The following KDM4B variants were observed in gnomAD, a reference collection of about 807,000 sequenced individuals.
KDM4B encodes lysine-specific demethylase 4B.
Under a neutral mutation model 125.2 loss-of-function variants are expected in KDM4B, and 32 were observed. The ratio of observed to expected loss-of-function variants is 0.26; its 90% CI spans 0.19 to 0.34. The LOEUF (loss-of-function observed/expected upper bound fraction) is 0.34. Among genes scored for constraint, KDM4B ranks in the 10% least tolerant of loss-of-function variants. The pLI is 1.00. For missense variants in KDM4B, 1,190 were observed against 1,577.7 expected, an observed-to-expected ratio of 0.75 and a Z score of 4.16; for synonymous variants, 721 against 677.9, an observed-to-expected ratio of 1.06 and a Z score of -0.99.
chr19:5,013,864 G>A (rs926616442), intron 1 of KDM4B, among the ~76,000 whole-genome samples: 8 of 152,228 alleles, frequency 5.3e-5, no homozygotes, highest in Admixed American at 1.3e-4. Context: ...GAGGGATTCC[G>A]GTCCTCGGGT....
At chr19:4,977,731 G>C (rs1386045127) in intron 1 of KDM4B, among the ~76,000 whole-genome samples, 1 of 152,190 alleles carries the variant, frequency 6.6e-6, no homozygotes, top group Non-Finnish European at 1.5e-5. Flanking sequence ...CCTTGATCAT[G>C]GCGGGATGGA....
At chr19:5,075,861 A>T (rs114518502) in intron 7 of KDM4B, 2,049 of 152,544 alleles carry the variant, frequency 0.013, 44 homozygotes, top group African/African-American at 0.046. Context: ...CCGGGCCTCG[A>T]TTTCCTCACC....
intron 18 of KDM4B, chr19:5,138,315 C>T (rs993974333): frequency 3.0e-5 from 16 of 535,736 alleles, no homozygotes; most frequent in Admixed American, 2.0e-4. Context: ...AAGCAGGCCC[C>T]GTCAGGTGTG....
At chr19:4,977,817 C>A (rs138861297) in intron 1 of KDM4B, among the ~76,000 whole-genome samples, 1 of 152,274 alleles carries the variant, frequency 6.6e-6, no homozygotes, top group East Asian at 1.9e-4. Context: ...CCAGCCTCGG[C>A]GCCCTTGGGG....
chr19:4,975,157 T>G (rs1238640823), intron 1 of KDM4B, among the ~76,000 whole-genome samples: 1 of 152,168 alleles, frequency 6.6e-6, no homozygotes, highest in African/African-American at 2.4e-5. Context: ...GGCAGGGGCT[T>G]TTTCTGGAAG....
chr19:5,007,576 T>C (rs1394435392), intron 1 of KDM4B, among the ~76,000 whole-genome samples: 1 of 149,376 alleles, frequency 6.7e-6, no homozygotes, highest in Non-Finnish European at 1.5e-5. Flanking sequence ...GACAGAGTAT[T>C]GTTCCATCTC....
rs936552455 is a variant in KDM4B at position 5,144,690 on chromosome 19, C to T, written c.2902-93C>T. ...CAGCTTTGGGGCTTCAGGCAGAGAA[C>T]CTCACTTGCCAGCGCGGAGAGGGTC... is the stretch of plus-strand genomic sequence containing the variant. On this transcript the variant is annotated intron_variant, in intron 20 of 22. Transcript: ENST00000159111. The T allele has an allele frequency of 3.9e-6, 6 of 1,536,944 alleles. No individual in the cohort carries two copies. In the African/African-American group the frequency reaches 6.9e-5, roughly 18 times the overall value.
At chr19:5,057,065 T>TGTGTGTGTTTGTGC (rs55806859) in intron 6 of KDM4B, among the ~76,000 whole-genome samples, 1 of 128,322 alleles carries the variant, frequency 7.8e-6, no homozygotes, top group Non-Finnish European at 1.7e-5. Flanking sequence ...TGTGTGTGTG[T>TGTGTGTGTTTGTGC]GCGCGCGCGC....
chr19:5,060,087 G>A (rs187731224), intron 6 of KDM4B, among the ~76,000 whole-genome samples: 2 of 152,206 alleles, frequency 1.3e-5, no homozygotes, highest in Non-Finnish European at 2.9e-5. Context: ...GAGGCCCCAC[G>A]GGGCTGGGCT....
intron 9 of KDM4B, among the ~76,000 whole-genome samples, chr19:5,109,974 A>C (rs1388253839): frequency 6.6e-5 from 10 of 152,228 alleles, no homozygotes; most frequent in African/African-American, 2.4e-4. Context: ...TGCCTGGACC[A>C]ACAGGAGGCA....
intron 9 of KDM4B, among the ~76,000 whole-genome samples, chr19:5,104,626 C>T (rs111893974): frequency 7.9e-5 from 12 of 152,202 alleles, no homozygotes; most frequent in African/African-American, 1.4e-4. Flanking sequence ...TGTCTGGGAA[C>T]GCCACTTCCA....
At chr19:5,047,358 G>A (rs1599496352) in intron 5 of KDM4B, 118 bp from the exon 6 acceptor site, 3 of 883,344 alleles carry the variant, frequency 3.4e-6, no homozygotes, top group South Asian at 3.3e-5. Context: ...GCAGATACTG[G>A]GGTGGAGGAG....
intron 2 of KDM4B, among the ~76,000 whole-genome samples, chr19:5,021,497 C>T (rs993126037): frequency 1.1e-4 from 16 of 152,066 alleles, no homozygotes; most frequent in East Asian, 5.8e-4. Context: ...GGCTTGAGCC[C>T]GGGAGTTCCA....
chr19:5,053,185 T>G (rs2037286977), intron 6 of KDM4B, among the ~76,000 whole-genome samples: 1 of 152,220 alleles, frequency 6.6e-6, no homozygotes, highest in African/African-American at 2.4e-5. Context: ...AGCGAGATAG[T>G]TGCTCCCTCC....
chr19:5,149,148 C>T (rs962621311), intron 21 of KDM4B, among the ~76,000 whole-genome samples: 4 of 152,248 alleles, frequency 2.6e-5, no homozygotes, highest in Admixed American at 1.3e-4. Context: ...CTTGGCTGCC[C>T]CAAGGCAGGG....
rs1441055305 is a variant in KDM4B, at chr19:5,145,027, G to A, written c.3021+125G>A. 4 of 1,265,746 alleles carry A rather than the reference G, an allele frequency of 3.2e-6. No homozygotes were observed. The Admixed American group carries it at 8.8e-5, about 28-fold the overall frequency. 78.4% of individuals were successfully genotyped at this position (1,265,746 alleles called of 1,614,324 possible). On this transcript the variant is annotated intron_variant, in intron 21 of 22. Coordinates refer to ENST00000159111, the MANE Select transcript of KDM4B (RefSeq NM_015015.3). The stretch of plus-strand genomic sequence containing the variant: ...GGGGCACTGGCGGGTGTGGGCCATG[G>A]TTAGTGAGGCCCGCAGGACCCAGCT...
intron 9 of KDM4B, among the ~76,000 whole-genome samples, chr19:5,109,531 A>C (rs966526632): frequency 2.6e-5 from 4 of 151,740 alleles, no homozygotes; most frequent in African/African-American, 9.7e-5. Flanking sequence ...GGGGACTTCA[A>C]CTCATCCTTG....
At chr19:5,053,178 G>A (rs573327818) in intron 6 of KDM4B, among the ~76,000 whole-genome samples, 57 of 152,356 alleles carry the variant, frequency 3.7e-4, no homozygotes, top group African/African-American at 1.2e-3. Flanking sequence ...ATGCAGGAGC[G>A]AGATAGTTGC....
intron 10 of KDM4B, chr19:5,113,878 G>A (rs1239391937): frequency 1.0e-6 from 1 of 985,266 alleles, no homozygotes; most frequent in East Asian, 1.1e-4. Context: ...GCCCTCATGT[G>A]TTTACCAGGT....
Sources: gnomAD v4.1 joint callset for allele counts (sites outside exome capture counted in the v4.1 genomes callset) on GRCh38, gnomAD v4.1.1 for gene constraint, MANE v1.5 for transcripts, NCBI Gene and HGNC (gene_info 2026-07-23, HGNC 2026-07-21) for gene names.